The following SLC39A12 variants were observed in gnomAD, a reference collection of about 807,000 sequenced individuals.
SLC39A12 encodes zinc transporter ZIP12.
In SLC39A12, 63 loss-of-function variants were observed where a neutral mutation model predicts 71.1. The ratio of observed to expected loss-of-function variants is 0.89; its 90% confidence interval spans 0.72 to 1.09. The LOEUF (loss-of-function observed/expected upper bound fraction) is 1.09. SLC39A12 is among the 50% of genes least tolerant of loss of function. The probability of loss-of-function intolerance (pLI) is 0.00; values close to 1 mark genes in which losing one functional copy is unlikely to be tolerated. For synonymous variants in SLC39A12, 351 were observed against 301.3 expected (o/e 1.16, Z -1.71); for missense variants, 892 against 812.6 (o/e 1.10, Z -1.19).
At chr10:18,005,796 C>T (rs1001685892) in intron 12 of SLC39A12, 4 of 152,118 alleles carry the variant, frequency 2.6e-5, no homozygotes, top group Admixed American at 6.5e-5. Flanking sequence ...TAAATCTTGA[C>T]CCTATTGCAA....
chr10:18,017,763 G>A (rs1380876880), intron 12 of SLC39A12, among the ~76,000 whole-genome samples: 1 of 152,190 alleles, frequency 6.6e-6, no homozygotes, highest in African/African-American at 2.4e-5. Context: ...TAGCAACACA[G>A]CAGTGTCTTG....
Position 18,000,703 on chromosome 10 carries a change from T to C in SLC39A12, c.1637T>C (p.Val546Ala), listed in dbSNP as rs751871850. The C allele has an allele frequency of 2.6e-5, 42 of 1,614,058 alleles. No homozygotes were observed. The East Asian group carries it at 5.3e-4, about 21-fold the overall frequency. ...AISLLAIMILVGDSLHNFADG... is the reference protein window; with the variant it reads ...AISLLAIMILAGDSLHNFADG... The stretch of plus-strand genomic sequence containing the variant: ...AGCTTGTTAGCAATCATGATTCTGG[T>C]TGGGGACAGCCTGCATAATTTTGCA... The change falls in exon 11 of 13, where the codon GTT becomes GCT. Residue 546 changes from valine to alanine, a missense_variant. By Grantham distance (64) the Val-to-Ala change is moderately conservative (BLOSUM62 0). Transcript: ENST00000377369.
At chr10:17,953,152 C>A (rs1834446894) in intron 1 of SLC39A12, 39 bp from the exon 2 acceptor site, 2 of 1,208,498 alleles carry the variant, frequency 1.7e-6, no homozygotes, top group African/African-American at 1.5e-5. Flanking sequence ...ATGTTGCAGG[C>A]ACAATAATTG....
At chr10:17,961,896 C>T (rs1313172849) in intron 3 of SLC39A12, 34 bp downstream of exon 3, 36 of 1,589,520 alleles carry the variant, frequency 2.3e-5, no homozygotes, top group Non-Finnish European at 3.1e-5. Context: ...GGCTCTGCTG[C>T]TAAGATACAG....
At chr10:18,000,017 A>T (rs897224775) in intron 10 of SLC39A12, among the ~76,000 whole-genome samples, 1 of 152,174 alleles carries the variant, frequency 6.6e-6, no homozygotes, top group African/African-American at 2.4e-5. Flanking sequence ...TGCTACAACA[A>T]ACTACCATAG....
chr10:17,976,074 C>T (rs2130801310), intron 4 of SLC39A12, among the ~76,000 whole-genome samples: 1 of 152,296 alleles, frequency 6.6e-6, no homozygotes, highest in South Asian at 2.1e-4. Context: ...AGATTCAAGA[C>T]TGTTTTTTCT....
Position 17,987,796 on chromosome 10 carries a change from C to A in SLC39A12, c.1269+145C>A. 4 of 802,378 alleles carry A rather than the reference C, an allele frequency of 5.0e-6. No homozygotes were observed. In the South Asian group the frequency reaches 7.2e-5, roughly 14 times the overall value. The allele number at this position is 802,378 out of a possible 1,614,324, so 49.7% of individuals were successfully genotyped here. On this transcript the variant is annotated intron_variant, in intron 7 of 12. Coordinates refer to ENST00000377369, the MANE Select transcript of SLC39A12 (RefSeq NM_001145195.2). ...TTTCCTTAAAAAGAAATATTATTTCCCCAAGGCCTCTCTGCACTTGTAGAA... is the reference window on the plus strand; with the variant it reads ...TTTCCTTAAAAAGAAATATTATTTCACCAAGGCCTCTCTGCACTTGTAGAA...
chr10:17,953,502 C>A lies in SLC39A12; in HGVS notation c.226C>A (p.Arg76=). The stretch of plus-strand genomic sequence containing the variant: ...ATTGTTGGAGAAAACTGGGTGCCCA[C>A]GGAGGAGAAACGGAATGCAAGGAGA... ...KTLLEKTGCP[R]RRNGMQGDCN... Residue 76 remains arginine, a synonymous_variant, in exon 2 of 13, where the codon CGG becomes AGG. Transcript: ENST00000377369. 1 of 1,614,028 alleles carries A rather than the reference C, an allele frequency of 6.2e-7. No individual in the cohort carries two copies. The highest frequency in any genetic ancestry group is 8.5e-7 in the Non-Finnish European group (1 of 1,180,014).
chr10:17,966,583 C>A (rs1174011525), intron 4 of SLC39A12, among the ~76,000 whole-genome samples: 1 of 152,042 alleles, frequency 6.6e-6, no homozygotes. Flanking sequence ...AGTGCTGGGA[C>A]TATAGGAGTG....
chr10:17,957,665 A>G (rs1834584376), intron 2 of SLC39A12, among the ~76,000 whole-genome samples: 1 of 152,068 alleles, frequency 6.6e-6, no homozygotes, highest in South Asian at 2.1e-4. Flanking sequence ...TAACAACAAA[A>G]CAAATCTAGT....
chr10:17,952,491 C>CTTTTTTTTTTTTTTTTT (rs11288880), intron 1 of SLC39A12, among the ~76,000 whole-genome samples: 2 of 128,556 alleles, frequency 1.6e-5, no homozygotes, highest in Admixed American at 8.0e-5. Context: ...TTTCTTTTTT[C>CTTTTTTTTTTTTTTTTT]TTTTTTTTTT....
intron 12 of SLC39A12, among the ~76,000 whole-genome samples, chr10:18,019,486 G>T (rs1235146687): frequency 6.6e-6 from 1 of 151,844 alleles, no homozygotes; most frequent in Non-Finnish European, 1.5e-5. Flanking sequence ...TGAATTCTGA[G>T]TTTAGATCTT....
At position 18,034,955 on chromosome 10, in the gene SLC39A12, T is replaced by G. The variant is rs1215626370; in HGVS notation, c.1948-7750T>G. Among the ~76,000 whole-genome samples the G allele has an allele frequency of 2.0e-5, 3 of 152,010 alleles. No individual in the cohort carries two copies. In the East Asian group the frequency reaches 5.8e-4, roughly 29 times the overall value. ...ATTCTGGATTGAAAATTCTTGTCTT[T>G]AAGAATGTTGAATATTGGCCCCCAC... On this transcript the variant is annotated intron_variant, in intron 12 of 12. Transcript: ENST00000377369.
At chr10:18,038,382 G>C (rs1420002605) in intron 12 of SLC39A12, among the ~76,000 whole-genome samples, 1 of 152,098 alleles carries the variant, frequency 6.6e-6, no homozygotes, top group African/African-American at 2.4e-5. Flanking sequence ...TTAAAAATTT[G>C]GGACAATTTT....
intron 2 of SLC39A12, among the ~76,000 whole-genome samples, chr10:17,956,760 G>A (rs1486126085): frequency 1.3e-5 from 2 of 152,148 alleles, no homozygotes; most frequent in African/African-American, 4.8e-5. Context: ...TTCACACCTG[G>A]CCCTAGCCCC....
intron 12 of SLC39A12, among the ~76,000 whole-genome samples, chr10:18,023,795 A>C (rs1273359948): frequency 6.6e-6 from 1 of 152,174 alleles, no homozygotes; most frequent in Non-Finnish European, 1.5e-5. Flanking sequence ...TTTCCTCCCC[A>C]GAGAAATGCA....
intron 12 of SLC39A12, 95 bp from the exon 13 acceptor site, chr10:18,042,610 A>G: frequency 7.9e-7 from 1 of 1,257,978 alleles, no homozygotes; most frequent in South Asian, 1.7e-5. Context: ...AAGGTTATTA[A>G]GTTCTGAATA....
At chr10:18,021,025 C>G (rs960876009) in intron 12 of SLC39A12, among the ~76,000 whole-genome samples, 26 of 152,036 alleles carry the variant, frequency 1.7e-4, no homozygotes, top group African/African-American at 6.3e-4. Context: ...TTTGGAGTCT[C>G]TGTCATGAAA....
intron 5 of SLC39A12, among the ~76,000 whole-genome samples, chr10:17,980,608 T>G (rs1207884020): frequency 6.6e-6 from 1 of 152,196 alleles, no homozygotes; most frequent in African/African-American, 2.4e-5. Flanking sequence ...ACTGTGGCAT[T>G]TGTTCTTTCC....
Sources: allele counts gnomAD v4.1 joint callset (sites outside exome capture counted in the v4.1 genomes callset), GRCh38; gene constraint gnomAD v4.1.1; transcripts MANE v1.5; gene names NCBI Gene and HGNC (gene_info 2026-07-23, HGNC 2026-07-21).